REDIC1: variants seen among roughly 807,000 people sequenced by gnomAD.
REDIC1 encodes regulator of DNA class I crossover intermediates 1, also known as HEI10 Interacting Protein 1.
chr12:39,634,273 A>G, the REDIC1 span, among the ~76,000 whole-genome samples: 2 of 152,138 alleles, frequency 1.3e-5, no homozygotes, highest in East Asian at 1.9e-4. Context: ...ATTTTTGCAC[A>G]TTGATTTTGT....
the REDIC1 span, among the ~76,000 whole-genome samples, chr12:39,689,736 A>C: frequency 6.6e-5 from 10 of 152,140 alleles, no homozygotes; most frequent in Non-Finnish European, 1.0e-4. Context: ...AAGGAGGAAA[A>C]TGTGGTCAGT....
chr12:39,858,407 C>CA, the REDIC1 span, among the ~76,000 whole-genome samples: 6 of 151,434 alleles, frequency 4.0e-5, no homozygotes, highest in African/African-American at 1.2e-4. Context: ...GCCACCATGC[C>CA]AAAAAAATTG....
At chr12:39,744,150 C>T in the REDIC1 span, among the ~76,000 whole-genome samples, 50 of 152,240 alleles carry the variant, frequency 3.3e-4, no homozygotes, top group African/African-American at 1.1e-3. Flanking sequence ...GACTTCCCCT[C>T]AGAAACCATG....
the REDIC1 span, among the ~76,000 whole-genome samples, chr12:39,849,320 G>A: frequency 6.6e-6 from 1 of 152,116 alleles, no homozygotes; most frequent in South Asian, 2.1e-4. Context: ...CGAGCACACT[G>A]GTTCCTCCAA....
chr12:39,890,444 A>C, the REDIC1 span, among the ~76,000 whole-genome samples: 1 of 152,356 alleles, frequency 6.6e-6, no homozygotes, highest in Non-Finnish European at 1.5e-5. Context: ...ATAGAATTAA[A>C]TGTTGCTCAT....
chr12:39,778,113 G>A, the REDIC1 span, among the ~76,000 whole-genome samples: 1 of 152,074 alleles, frequency 6.6e-6, no homozygotes, highest in Non-Finnish European at 1.5e-5. Context: ...GCAGCAGGGC[G>A]GTGAAGAAGT....
At chr12:39,662,771 A>T in the REDIC1 span, among the ~76,000 whole-genome samples, 2 of 152,120 alleles carry the variant, frequency 1.3e-5, no homozygotes, top group Non-Finnish European at 2.9e-5. Flanking sequence ...CTTGTCATAG[A>T]TGACCTTTAT....
chr12:39,645,889 A>G, the REDIC1 span, among the ~76,000 whole-genome samples: 1 of 152,228 alleles, frequency 6.6e-6, no homozygotes, highest in African/African-American at 2.4e-5. Flanking sequence ...GGCATGAGCC[A>G]CTATGCCTGG....
chr12:39,700,810 C>A, the REDIC1 span, among the ~76,000 whole-genome samples: 5 of 152,116 alleles, frequency 3.3e-5, no homozygotes, highest in Middle Eastern at 3.4e-3. Flanking sequence ...GAATTTTCAA[C>A]CCAGAATTTC....
the REDIC1 span, among the ~76,000 whole-genome samples, chr12:39,723,820 T>A: frequency 6.6e-6 from 1 of 152,172 alleles, no homozygotes; most frequent in Non-Finnish European, 1.5e-5. Context: ...GAAGTTTCCA[T>A]CTGTAATAAG....
chr12:39,804,699 T>C, the REDIC1 span, among the ~76,000 whole-genome samples: 10 of 152,222 alleles, frequency 6.6e-5, no homozygotes, highest in East Asian at 1.9e-3. Flanking sequence ...AGAACGTCTG[T>C]CCTCTCAGAG....
the REDIC1 span, among the ~76,000 whole-genome samples, chr12:39,901,584 T>A: frequency 8.2e-6 from 1 of 122,042 alleles, no homozygotes; most frequent in Non-Finnish European, 1.7e-5. Flanking sequence ...AAAAAACACA[T>A]GAAAAAATGC....
the REDIC1 span, chr12:39,647,693 C>T: frequency 9.0e-6 from 8 of 886,344 alleles, no homozygotes; most frequent in Non-Finnish European, 1.3e-5. Context: ...TTTTGTAACC[C>T]CTGCCCTTTT....
the REDIC1 span, among the ~76,000 whole-genome samples, chr12:39,885,864 G>A: frequency 6.6e-6 from 1 of 152,202 alleles, no homozygotes; most frequent in East Asian, 1.9e-4. Context: ...CCAGGATTCT[G>A]ATTCATTTCA....
the REDIC1 span, among the ~76,000 whole-genome samples, chr12:39,771,174 G>T: frequency 6.6e-6 from 1 of 152,212 alleles, no homozygotes; most frequent in Admixed American, 6.5e-5. Flanking sequence ...CTGCCTCTGC[G>T]GGAGAGAGAC....
chr12:39,743,554 G>T, the REDIC1 span, among the ~76,000 whole-genome samples: 2 of 152,138 alleles, frequency 1.3e-5, no homozygotes, highest in Non-Finnish European at 2.9e-5. Context: ...GGAATTATCA[G>T]ACTGGGAATT....
chr12:39,846,478 C>A, the REDIC1 span, among the ~76,000 whole-genome samples: 2,406 of 152,260 alleles, frequency 0.016, 62 homozygotes, highest in African/African-American at 0.055. Context: ...TTTTAGACAG[C>A]ATCTCACTCT....
the REDIC1 span, among the ~76,000 whole-genome samples, chr12:39,692,769 G>T: frequency 6.6e-6 from 1 of 151,706 alleles, no homozygotes; most frequent in Non-Finnish European, 1.5e-5. Context: ...ATTTTTCCTT[G>T]CACACATGTA....
chr12:39,752,299 G>A, the REDIC1 span, among the ~76,000 whole-genome samples: 1,189 of 152,186 alleles, frequency 7.8e-3, 16 homozygotes, highest in African/African-American at 0.027. Context: ...ACTCTTATGG[G>A]AGCACAAACC....
Sources: gnomAD v4.1 joint callset for allele counts (sites outside exome capture counted in the v4.1 genomes callset) on GRCh38, gnomAD v4.1.1 for gene constraint, MANE v1.5 for transcripts, NCBI Gene and HGNC (gene_info 2026-07-23, HGNC 2026-07-21) for gene names.